RAB38: variants seen among roughly 807,000 people sequenced by gnomAD.
RAB38 encodes RAB38, member RAS oncogene family.
RAB38 carries 15 observed loss-of-function variants against 18.4 expected under a neutral mutation model. The observed-to-expected ratio is 0.82, with a 90% CI of 0.55 to 1.26. The LOEUF (loss-of-function observed/expected upper bound fraction) is 1.26, where lower values mean the gene tolerates loss of function less well. Among genes scored for constraint, RAB38 ranks in the 50% most tolerant of loss-of-function variants. RAB38 has a pLI of 0.00. For missense variants in RAB38, 294 were observed against 267.4 expected (o/e 1.10, Z -0.69); for synonymous variants, 101 against 104.4 (o/e 0.97, Z 0.20).
chr11:87,958,180 C>G, the RAB38 span, among the ~76,000 whole-genome samples: 1 of 152,176 alleles, frequency 6.6e-6, no homozygotes, highest in South Asian at 2.1e-4. Flanking sequence ...ACAACCAGCA[C>G]TCTATGGGGT....
At chr11:88,158,555 A>G (rs1378893539) in intron 1 of RAB38, among the ~76,000 whole-genome samples, 3 of 152,190 alleles carry the variant, frequency 2.0e-5, no homozygotes, top group Non-Finnish European at 4.4e-5. Flanking sequence ...ATCCAACAGC[A>G]CATGAAAAAG....
the RAB38 span, among the ~76,000 whole-genome samples, chr11:87,849,126 T>C: frequency 2.6e-5 from 4 of 152,080 alleles, no homozygotes; most frequent in Admixed American, 1.3e-4. Flanking sequence ...TTCGCCACCA[T>C]AGAGCGTTGT....
chr11:87,901,611 C>T, the RAB38 span, among the ~76,000 whole-genome samples: 1 of 151,528 alleles, frequency 6.6e-6, no homozygotes, highest in African/African-American at 2.4e-5. Context: ...TGCTGCCTTG[C>T]AATGAGGTTG....
chr11:87,929,129 A>G, the RAB38 span, among the ~76,000 whole-genome samples: 2 of 152,042 alleles, frequency 1.3e-5, no homozygotes, highest in Non-Finnish European at 2.9e-5. Context: ...AAAACAAGAA[A>G]AAAAGTAAAA....
intron 1 of RAB38, 78 bp downstream of exon 1, chr11:88,175,105 G>T: frequency 1.4e-6 from 2 of 1,417,696 alleles, no homozygotes; most frequent in Non-Finnish European, 1.9e-6. Flanking sequence ...TCTCACGCTT[G>T]GCCGCAAGCC....
the RAB38 span, among the ~76,000 whole-genome samples, chr11:87,826,809 C>T: frequency 6.6e-6 from 1 of 152,118 alleles, no homozygotes; most frequent in Non-Finnish European, 1.5e-5. Flanking sequence ...GGGTGTTGGT[C>T]TAGAACACAC....
the RAB38 span, among the ~76,000 whole-genome samples, chr11:88,072,909 A>G: frequency 6.6e-6 from 1 of 152,212 alleles, no homozygotes; most frequent in Non-Finnish European, 1.5e-5. Context: ...AGTCAGGAAC[A>G]TCCCAGAACT....
the RAB38 span, among the ~76,000 whole-genome samples, chr11:87,921,595 A>T: frequency 9.4e-5 from 14 of 149,228 alleles, no homozygotes; most frequent in Admixed American, 9.4e-4. Context: ...ACACATTTAG[A>T]TATGACAACA....
At chr11:87,922,564 T>C in the RAB38 span, among the ~76,000 whole-genome samples, 1 of 141,782 alleles carries the variant, frequency 7.1e-6, no homozygotes, top group Non-Finnish European at 1.5e-5. Context: ...TTTTCTCACC[T>C]GAAAAAAATA....
chr11:87,873,902 A>G, the RAB38 span, among the ~76,000 whole-genome samples: 14,824 of 101,230 alleles, frequency 0.15, 1,407 homozygotes, highest in East Asian at 0.39. Flanking sequence ...GTATATATAT[A>G]TATATATGTG....
chr11:88,063,892 T>G, the RAB38 span, among the ~76,000 whole-genome samples: 1 of 152,240 alleles, frequency 6.6e-6, no homozygotes, highest in Non-Finnish European at 1.5e-5. Context: ...GTCTCAAGTA[T>G]GTCTTTATCA....
the RAB38 span, among the ~76,000 whole-genome samples, chr11:87,953,675 T>C: frequency 6.6e-6 from 1 of 152,160 alleles, no homozygotes; most frequent in Non-Finnish European, 1.5e-5. Context: ...ATGGTCTACA[T>C]AGGGTTCAGT....
the RAB38 span, among the ~76,000 whole-genome samples, chr11:87,896,128 C>T: frequency 6.6e-5 from 10 of 151,626 alleles, no homozygotes; most frequent in African/African-American, 2.2e-4. Context: ...TCATTAGTAA[C>T]GTAAAAGGGA....
At chr11:87,822,644 G>A in the RAB38 span, among the ~76,000 whole-genome samples, 1 of 152,174 alleles carries the variant, frequency 6.6e-6, no homozygotes. Context: ...CCAAAAGAGA[G>A]TAAGAGAGAA....
intron 1 of RAB38, among the ~76,000 whole-genome samples, chr11:88,158,058 G>C (rs958177606): frequency 6.6e-6 from 1 of 151,914 alleles, no homozygotes; most frequent in Non-Finnish European, 1.5e-5. Context: ...AAAAAAGGGA[G>C]AAGATCCAAA....
At chr11:87,971,801 TCA>T in the RAB38 span, among the ~76,000 whole-genome samples, 14 of 152,118 alleles carry the variant, frequency 9.2e-5, no homozygotes, top group African/African-American at 2.9e-4. Flanking sequence ...TGTCTATGCC[TCA>T]CAGTCTTACT....
At chr11:87,938,266 G>T in the RAB38 span, among the ~76,000 whole-genome samples, 20 of 152,102 alleles carry the variant, frequency 1.3e-4, no homozygotes, top group African/African-American at 4.8e-4. Flanking sequence ...TGCTGGGCAG[G>T]GGTTAAAATC....
the RAB38 span, among the ~76,000 whole-genome samples, chr11:88,077,468 G>C: frequency 2.0e-5 from 3 of 151,974 alleles, no homozygotes; most frequent in South Asian, 2.1e-4. Flanking sequence ...TAGATAAATA[G>C]AACAGAATGC....
the RAB38 span, among the ~76,000 whole-genome samples, chr11:88,085,496 G>A: frequency 7.3e-4 from 111 of 151,990 alleles, no homozygotes; most frequent in Non-Finnish European, 1.4e-3. Flanking sequence ...ATTATAGTAT[G>A]TAACTACCTT....
Sources: allele counts gnomAD v4.1 joint callset (sites outside exome capture counted in the v4.1 genomes callset), GRCh38; gene constraint gnomAD v4.1.1; transcripts MANE v1.5; gene names NCBI Gene and HGNC (gene_info 2026-07-23, HGNC 2026-07-21).